The following ASB3 variants were observed in gnomAD, a reference collection of about 807,000 sequenced individuals.
ASB3 encodes the protein ankyrin repeat and SOCS box protein 3.
A neutral mutation model predicts 54.5 loss-of-function variants in ASB3; 41 were observed. That is an observed-to-expected ratio of 0.75 (90% CI 0.59 to 0.98). The LOEUF (loss-of-function observed/expected upper bound fraction) is 0.98. Among genes scored for constraint, ASB3 ranks in the 50% least tolerant of loss-of-function variants. ASB3 has a pLI of 0.00. For missense variants in ASB3, 733 were observed against 620.0 expected (o/e 1.18, Z -1.94); for synonymous variants, 266 against 221.2 (o/e 1.20, Z -1.80).
At chr2:53,684,664 T>G (rs764227550) in intron 9 of ASB3, among the ~76,000 whole-genome samples, 2 of 152,320 alleles carry the variant, frequency 1.3e-5, no homozygotes, top group African/African-American at 4.8e-5. Context: ...AAACATCTCA[T>G]GGACTTAAGC....
intron 3 of ASB3, among the ~76,000 whole-genome samples, chr2:53,746,904 AC>A (rs1449097551): frequency 2.0e-5 from 3 of 152,228 alleles, no homozygotes; most frequent in African/African-American, 7.2e-5. Flanking sequence ...ATACAAATTT[AC>A]CATTTACAAA....
rs551090243 is a variant in ASB3 at position 53,683,986 on chromosome 2, T to C, written c.1369+9898A>G. On this transcript the variant is annotated intron_variant, in intron 9 of 9. Transcript: ENST00000263634. ...CTGATCTTTATTATTTCTTTTCTTC[T>C]AGTAATTTTGCGTTTGGTTTGCTCT... is the stretch of plus-strand genomic sequence containing the variant. Among the ~76,000 whole-genome samples the C allele has an allele frequency of 2.6e-5, 4 of 152,306 alleles. No individual in the cohort carries two copies. The South Asian group carries it at 6.2e-4, about 24-fold the overall frequency.
intron 9 of ASB3, among the ~76,000 whole-genome samples, chr2:53,678,633 T>C (rs1668208984): frequency 6.6e-6 from 1 of 152,180 alleles, no homozygotes; most frequent in South Asian, 2.1e-4. Flanking sequence ...GAAATCCTGA[T>C]GTAACCCCTA....
intron 3 of ASB3, among the ~76,000 whole-genome samples, chr2:53,741,674 T>C (rs1247571223): frequency 6.6e-6 from 1 of 152,194 alleles, no homozygotes; most frequent in Admixed American, 6.5e-5. Context: ...ATTACAAAAA[T>C]ACTGAAATCG....
intron 1 of ASB3, among the ~76,000 whole-genome samples, chr2:53,777,577 C>T (rs1674410315): frequency 6.6e-6 from 1 of 151,146 alleles, no homozygotes; most frequent in Admixed American, 6.6e-5. Context: ...TTGTGCTACA[C>T]AAGCATGGAA....
intron 2 of ASB3, among the ~76,000 whole-genome samples, chr2:53,755,198 A>T (rs1572973838): frequency 6.6e-6 from 1 of 152,270 alleles, no homozygotes; most frequent in South Asian, 2.1e-4. Flanking sequence ...TCCTGGGAAT[A>T]CTTGGAGAAT....
intron 1 of ASB3, chr2:53,767,796 G>T (rs990858760): frequency 2.0e-6 from 3 of 1,489,510 alleles, no homozygotes; most frequent in African/African-American, 1.4e-5. Context: ...CGCCCCGCGC[G>T]GCCGGTTACT....
chr2:53,773,573 A>G (rs1273792232), intron 1 of ASB3, among the ~76,000 whole-genome samples: 2 of 151,964 alleles, frequency 1.3e-5, no homozygotes, highest in African/African-American at 2.4e-5. Flanking sequence ...TGGGATTACA[A>G]GTGCCTGCCA....
At chr2:53,677,905 G>T (rs935578899) in intron 9 of ASB3, among the ~76,000 whole-genome samples, 21 of 152,142 alleles carry the variant, frequency 1.4e-4, no homozygotes, top group Admixed American at 3.9e-4. Flanking sequence ...GTAAAGGTGA[G>T]ACTATATTTT....
chr2:53,742,562 C>T lies in ASB3; in HGVS notation c.355+8221G>A, dbSNP rs555074444. Among the ~76,000 whole-genome samples the T allele has an allele frequency of 9.9e-5, 15 of 152,100 alleles. No homozygotes were observed. The South Asian group carries it at 2.5e-3, about 25-fold the overall frequency. ...GAAGCAATTGTCTCTGTGAAAACAG[C>T]ACCAACACTGAAATACAAGTGCTCA... On this transcript the variant is annotated intron_variant, in intron 3 of 9. Transcript: ENST00000263634.
chr2:53,718,858 G>A (rs1048421662), intron 5 of ASB3, among the ~76,000 whole-genome samples: 1 of 152,006 alleles, frequency 6.6e-6, no homozygotes, highest in South Asian at 2.1e-4. Context: ...AAAGTAAAGG[G>A]TTGAAAAAAG....
chr2:53,750,747 G>A (rs1269061223), intron 3 of ASB3, 36 bp downstream of exon 3: 3 of 1,439,026 alleles, frequency 2.1e-6, no homozygotes, highest in Non-Finnish European at 1.8e-6. Flanking sequence ...TAATAATGAT[G>A]AAAAATTGCA....
chr2:53,681,735 A>C (rs1668381234), intron 9 of ASB3, among the ~76,000 whole-genome samples: 1 of 152,184 alleles, frequency 6.6e-6, no homozygotes, highest in Non-Finnish European at 1.5e-5. Flanking sequence ...TGTTTATGCC[A>C]GTACCAGGCT....
intron 5 of ASB3, among the ~76,000 whole-genome samples, chr2:53,726,617 CACACATATATATAT>C (rs1385512878): frequency 2.6e-5 from 4 of 151,030 alleles, no homozygotes; most frequent in East Asian, 3.9e-4. Context: ...CATATATATA[CACACATATATATAT>C]ACACATATAT....
intron 1 of ASB3, among the ~76,000 whole-genome samples, chr2:53,769,739 T>G (rs1280026618): frequency 6.6e-6 from 1 of 152,144 alleles, no homozygotes; most frequent in Non-Finnish European, 1.5e-5. Flanking sequence ...TCCCAGCTAC[T>G]CTGGAGGCTG....
intron 2 of ASB3, among the ~76,000 whole-genome samples, chr2:53,751,215 G>A (rs1214005208): frequency 6.6e-6 from 1 of 152,146 alleles, no homozygotes; most frequent in African/African-American, 2.4e-5. Flanking sequence ...AGGAGTGGCA[G>A]AAATTGAAAG....
At chr2:53,774,480 A>G in intron 1 of ASB3, 1 of 1,585,464 alleles carries the variant, frequency 6.3e-7, no homozygotes. Flanking sequence ...TGGAAAAATT[A>G]GTAAAGGAAC....
At chr2:53,761,680 A>G in intron 2 of ASB3, among the ~76,000 whole-genome samples, 1 of 152,236 alleles carries the variant, frequency 6.6e-6, no homozygotes, top group East Asian at 1.9e-4. Context: ...TACAGAGAGC[A>G]TATGATGGGA....
intron 4 of ASB3, 39 bp downstream of exon 4, chr2:53,729,419 C>A (rs766035887): frequency 6.2e-7 from 1 of 1,603,814 alleles, no homozygotes; most frequent in Non-Finnish European, 8.5e-7. Flanking sequence ...GTAAAACACA[C>A]AATTTACATG....
Sources: gnomAD v4.1 joint callset for allele counts (sites outside exome capture counted in the v4.1 genomes callset) on GRCh38, gnomAD v4.1.1 for gene constraint, MANE v1.5 for transcripts, NCBI Gene and HGNC (gene_info 2026-07-23, HGNC 2026-07-21) for gene names.